Variants in ZCCHC7 observed in about 807,000 individuals in gnomAD.
ZCCHC7 encodes zinc finger CCHC-type containing 7, also known as zinc finger CCHC domain-containing protein 7.
A neutral mutation model predicts 52.0 loss-of-function variants in ZCCHC7; 35 were observed. That is an observed-to-expected ratio of 0.67 (90% CI 0.51 to 0.89). ZCCHC7 has a LOEUF of 0.89. Among genes scored for constraint, ZCCHC7 ranks in the 40% least tolerant of loss-of-function variants. ZCCHC7 has a pLI of 0.00. For missense variants in ZCCHC7, 574 were observed against 649.1 expected (o/e 0.88, Z 1.26); for synonymous variants, 217 against 221.5 (o/e 0.98, Z 0.18).
chr9:37,257,674 C>T (rs1223614928), intron 2 of ZCCHC7, among the ~76,000 whole-genome samples: 1 of 150,634 alleles, frequency 6.6e-6, no homozygotes, highest in Non-Finnish European at 1.5e-5. Flanking sequence ...AGTAACAGAC[C>T]AAATAAACAA....
chr9:37,222,382 C>G (rs1031891902), intron 2 of ZCCHC7, among the ~76,000 whole-genome samples: 1 of 127,516 alleles, frequency 7.8e-6, no homozygotes, highest in Non-Finnish European at 1.7e-5. Context: ...TGTGTGTTTT[C>G]AAGTATAAAG....
At chr9:37,333,688 T>C (rs917728644) in intron 6 of ZCCHC7, among the ~76,000 whole-genome samples, 1 of 151,816 alleles carries the variant, frequency 6.6e-6, no homozygotes, top group African/African-American at 2.4e-5. Flanking sequence ...GAATTATAGT[T>C]AGTCATTATA....
chr9:37,357,357 T>A lies in ZCCHC7; in HGVS notation c.*89T>A. ...TGGCACTGTGTTTATTATCTATGAT[T>A]AAATAAAGTGAGTTTTTGGTTTTGT... On this transcript the variant is annotated 3_prime_UTR_variant, in exon 9 of 9. Transcript: ENST00000336755. 2 of 1,279,260 alleles carry A rather than the reference T, an allele frequency of 1.6e-6. No homozygotes were observed. Among genetic ancestry groups the A allele is most frequent in the Non-Finnish European group, 2.1e-6 (2 of 950,754 alleles). The allele number at this position is 1,279,260 out of a possible 1,614,324, so 79.2% of individuals were successfully genotyped here.
At chr9:37,197,980 AAG>A (rs1449694909) in intron 2 of ZCCHC7, among the ~76,000 whole-genome samples, 2 of 152,320 alleles carry the variant, frequency 1.3e-5, no homozygotes, top group East Asian at 3.9e-4. Flanking sequence ...TATAAGGAAA[AAG>A]GGGAATTTCC....
intron 2 of ZCCHC7, among the ~76,000 whole-genome samples, chr9:37,276,471 T>C (rs1373590983): frequency 1.3e-5 from 2 of 152,208 alleles, no homozygotes; most frequent in African/African-American, 4.8e-5. Flanking sequence ...AGTTTACTTA[T>C]CTGTAAATAG....
chr9:37,211,294 TAA>T (rs1226410097), intron 2 of ZCCHC7, among the ~76,000 whole-genome samples: 1 of 152,154 alleles, frequency 6.6e-6, no homozygotes, highest in Non-Finnish European at 1.5e-5. Flanking sequence ...GTGTGAAGTT[TAA>T]GTTTAGTGGG....
chr9:37,142,866 G>C (rs989350762), intron 2 of ZCCHC7, among the ~76,000 whole-genome samples: 9 of 151,756 alleles, frequency 5.9e-5, no homozygotes, highest in Middle Eastern at 3.2e-3. Flanking sequence ...TGATATAAAA[G>C]TGGTCCAACA....
chr9:37,135,938 G>C (rs1317359842), intron 2 of ZCCHC7, among the ~76,000 whole-genome samples: 4 of 152,160 alleles, frequency 2.6e-5, no homozygotes, highest in Non-Finnish European at 4.4e-5. Flanking sequence ...ACTCAACCAA[G>C]ACTGGATATC....
intron 2 of ZCCHC7, among the ~76,000 whole-genome samples, chr9:37,140,065 T>A (rs1564137244): frequency 6.6e-6 from 1 of 151,948 alleles, no homozygotes. Context: ...GACATACATA[T>A]ACATTTAACT....
chr9:37,141,473 A>G (rs1349433486), intron 2 of ZCCHC7, among the ~76,000 whole-genome samples: 1 of 151,792 alleles, frequency 6.6e-6, no homozygotes, highest in African/African-American at 2.4e-5. Context: ...GAAGCAATTT[A>G]ATTTTTGAGC....
At chr9:37,226,472 C>G (rs900403660) in intron 2 of ZCCHC7, among the ~76,000 whole-genome samples, 1 of 151,936 alleles carries the variant, frequency 6.6e-6, no homozygotes, top group African/African-American at 2.4e-5. Flanking sequence ...GCAAAAGGAT[C>G]TAGAATACAA....
chr9:37,250,025 T>A (rs1395709505), intron 2 of ZCCHC7, among the ~76,000 whole-genome samples: 2 of 138,046 alleles, frequency 1.4e-5, no homozygotes, highest in Non-Finnish European at 2.9e-5. Context: ...TGATTCCTGT[T>A]CTTCTAATAG....
chr9:37,194,728 A>G (rs1823198641), intron 2 of ZCCHC7, among the ~76,000 whole-genome samples: 1 of 152,204 alleles, frequency 6.6e-6, no homozygotes, highest in African/African-American at 2.4e-5. Flanking sequence ...TAAATCCTAT[A>G]AATCCACAGC....
rs757951056 is a variant in ZCCHC7 at position 37,304,223 on chromosome 9, G to A, written c.690G>A (p.Trp230Ter). 1 of 1,613,390 alleles carries A rather than the reference G, an allele frequency of 6.2e-7. No homozygotes were observed. Among genetic ancestry groups the A allele is most frequent in the Non-Finnish European group, 8.5e-7 (1 of 1,179,690 alleles). Residue 230 changes from tryptophan (W) to a stop codon, truncating the protein, a stop_gained, in exon 4 of 9, where the codon TGG (tryptophan) becomes TGA (stop). Transcript: ENST00000336755. LOFTEE classifies it high-confidence loss of function. ...QIANNRTPGR[W>*]TQRYYSANKN... ...CTAATAACCGAACACCTGGAAGATGGACCCAGCGGTACTATTCAGCCAACA... is the reference window on the plus strand; with the variant it reads ...CTAATAACCGAACACCTGGAAGATGAACCCAGCGGTACTATTCAGCCAACA...
At chr9:37,194,334 G>A (rs1261113548) in intron 2 of ZCCHC7, among the ~76,000 whole-genome samples, 1 of 152,116 alleles carries the variant, frequency 6.6e-6, no homozygotes, top group Non-Finnish European at 1.5e-5. Context: ...CTTACATATC[G>A]TAAGTGGTAG....
intron 2 of ZCCHC7, among the ~76,000 whole-genome samples, chr9:37,233,163 A>G (rs1213463653): frequency 1.3e-5 from 2 of 152,214 alleles, no homozygotes; most frequent in Non-Finnish European, 2.9e-5. Context: ...GCATGTAGAA[A>G]ATATTTTAAG....
intron 2 of ZCCHC7, among the ~76,000 whole-genome samples, chr9:37,188,051 C>T (rs950804451): frequency 6.6e-6 from 1 of 152,120 alleles, no homozygotes. Flanking sequence ...CTTTTTCTTT[C>T]TCCACTATAC....
At chr9:37,194,886 C>T (rs984643463) in intron 2 of ZCCHC7, among the ~76,000 whole-genome samples, 1 of 151,414 alleles carries the variant, frequency 6.6e-6, no homozygotes, top group South Asian at 2.1e-4. Flanking sequence ...ATCATTGTCA[C>T]TGCTTACTCT....
intron 2 of ZCCHC7, among the ~76,000 whole-genome samples, chr9:37,199,692 CTGTCTGTCTTTCTT>C: frequency 1.5e-5 from 1 of 68,168 alleles, no homozygotes; most frequent in East Asian, 2.6e-4. Flanking sequence ...GTCTGTCTTT[CTGTCTGTCTTTCTT>C]TCTGTCTTTC....
Sources: gnomAD v4.1 joint callset for allele counts (sites outside exome capture counted in the v4.1 genomes callset) on GRCh38, gnomAD v4.1.1 for gene constraint, MANE v1.5 for transcripts, NCBI Gene and HGNC (gene_info 2026-07-23, HGNC 2026-07-21) for gene names.